CNKSR3: variants seen among roughly 807,000 people sequenced by gnomAD.
CNKSR3 encodes connector enhancer of kinase suppressor of ras 3.
CNKSR3 carries 36 observed loss-of-function variants against 67.7 expected under a neutral mutation model. The observed-to-expected ratio is 0.53, with a 90% CI of 0.41 to 0.70. CNKSR3 has a LOEUF of 0.70. Among genes scored for constraint, CNKSR3 ranks in the 30% least tolerant of loss-of-function variants. The pLI, the probability that CNKSR3 is intolerant of heterozygous loss-of-function variation, is 0.00. For missense variants in CNKSR3, 630 were observed against 695.2 expected, an observed-to-expected ratio of 0.91 and a Z score of 1.05; for synonymous variants, 281 against 271.4, an observed-to-expected ratio of 1.04 and a Z score of -0.35.
intron 1 of CNKSR3, among the ~76,000 whole-genome samples, chr6:154,497,799 G>T (rs751415340): frequency 1.5e-5 from 2 of 129,694 alleles, no homozygotes; most frequent in Non-Finnish European, 3.3e-5. Flanking sequence ...TCTGGATTAA[G>T]AACTGAAGCT....
At chr6:154,420,228 A>G (rs1377950968) in intron 9 of CNKSR3, among the ~76,000 whole-genome samples, 1 of 20,344 alleles carries the variant, frequency 4.9e-5, no homozygotes, top group Non-Finnish European at 1.1e-4. Flanking sequence ...TGGAATCTAA[A>G]AAAAAAAAAA....
At chr6:154,435,327 C>G (rs1043341629) in intron 4 of CNKSR3, among the ~76,000 whole-genome samples, 8 of 152,172 alleles carry the variant, frequency 5.3e-5, no homozygotes, top group Admixed American at 4.6e-4. Flanking sequence ...AGCACTGTCA[C>G]TTCAGGGAGA....
At chr6:154,479,115 C>T (rs568675037) in intron 1 of CNKSR3, among the ~76,000 whole-genome samples, 1 of 152,056 alleles carries the variant, frequency 6.6e-6, no homozygotes, top group Non-Finnish European at 1.5e-5. Flanking sequence ...CTATACCCCC[C>T]CATCCTTAGA....
chr6:154,398,132 G>A lies in CNKSR3; in HGVS notation c.*8222C>T, dbSNP rs758101839. The A allele has an allele frequency of 6.6e-6, 1 of 152,218 alleles. No homozygotes were observed. The highest frequency in any genetic ancestry group is 2.4e-5 in the African/African-American group (1 of 41,444). The allele number at this position is 152,218 out of a possible 1,614,324, so 9.4% of individuals were successfully genotyped here. On this transcript the variant is annotated 3_prime_UTR_variant, in exon 13 of 13. Coordinates refer to ENST00000607772, the MANE Select transcript of CNKSR3 (RefSeq NM_173515.4). ...AAGAGCCAAAGCAGGGAAGGGGCAGGGAAAAAGTGGACACAACCCCACCCC... is the reference window on the plus strand; with the variant it reads ...AAGAGCCAAAGCAGGGAAGGGGCAGAGAAAAAGTGGACACAACCCCACCCC...
chr6:154,487,375 CA>C (rs1786696582), intron 1 of CNKSR3, among the ~76,000 whole-genome samples: 1 of 152,138 alleles, frequency 6.6e-6, no homozygotes, highest in South Asian at 2.1e-4. Flanking sequence ...GCCCTGAAAA[CA>C]AATCCTGAAA....
chr6:154,491,204 A>G lies in CNKSR3; in HGVS notation c.52+18859T>C, dbSNP rs569109957. Among the ~76,000 whole-genome samples the G allele has an allele frequency of 3.9e-5, 6 of 152,178 alleles. No individual in the cohort carries two copies. The East Asian group carries it at 5.8e-4, about 15-fold the overall frequency. ...AAGCCTTCTCTTGTGGCGCCCATTC[A>G]TAACTGCATGAGATACTCCTCCCTC... On this transcript the variant is annotated intron_variant, in intron 1 of 12. Transcript: ENST00000607772.
intron 1 of CNKSR3, among the ~76,000 whole-genome samples, chr6:154,472,940 T>C (rs1786362963): frequency 6.6e-6 from 1 of 152,058 alleles, no homozygotes; most frequent in Admixed American, 6.5e-5. Flanking sequence ...CTAAACTAAG[T>C]GAGGTATCGA....
At chr6:154,445,216 C>T (rs1386388681) in intron 2 of CNKSR3, among the ~76,000 whole-genome samples, 2 of 151,758 alleles carry the variant, frequency 1.3e-5, no homozygotes, top group Non-Finnish European at 2.9e-5. Flanking sequence ...CTCTTCCAAA[C>T]TTTTGAAAAA....
At chr6:154,503,489 G>A (rs554388442) in intron 1 of CNKSR3, among the ~76,000 whole-genome samples, 1 of 152,072 alleles carries the variant, frequency 6.6e-6, no homozygotes, top group African/African-American at 2.4e-5. Flanking sequence ...TTAGCCAGGT[G>A]TAGTGGCATG....
chr6:154,443,902 T>C (rs1785655685), intron 2 of CNKSR3, among the ~76,000 whole-genome samples: 1 of 152,198 alleles, frequency 6.6e-6, no homozygotes, highest in Admixed American at 6.5e-5. Context: ...GCTTCTAACC[T>C]GTGTTCTTTT....
chr6:154,436,937 G>A (rs1160789179), intron 4 of CNKSR3, among the ~76,000 whole-genome samples: 1 of 152,122 alleles, frequency 6.6e-6, no homozygotes, highest in East Asian at 1.9e-4. Flanking sequence ...GAGAAAAGAA[G>A]CAGCAATATG....
intron 3 of CNKSR3, 100 bp downstream of exon 3, chr6:154,441,988 A>T: frequency 8.7e-7 from 1 of 1,153,920 alleles, no homozygotes; most frequent in East Asian, 2.5e-5. Context: ...AATGATATGA[A>T]AAGAACAATG....
intron 1 of CNKSR3, among the ~76,000 whole-genome samples, chr6:154,496,697 T>C (rs1402704931): frequency 6.6e-6 from 1 of 152,176 alleles, no homozygotes; most frequent in East Asian, 1.9e-4. Flanking sequence ...AAATCCACCT[T>C]GTCCCATTTA....
At chr6:154,412,724 T>C (rs1784935178) in intron 10 of CNKSR3, among the ~76,000 whole-genome samples, 1 of 152,166 alleles carries the variant, frequency 6.6e-6, no homozygotes, top group Non-Finnish European at 1.5e-5. Flanking sequence ...AGAAATACAA[T>C]GAAGCAAATA....
rs1784700476 is a variant in CNKSR3 at position 154,400,095 on chromosome 6, C to G, written c.*6259G>C. On this transcript the variant is annotated 3_prime_UTR_variant, in exon 13 of 13. Coordinates refer to ENST00000607772, the MANE Select transcript of CNKSR3 (RefSeq NM_173515.4). ...TTTTAAATACCTTTGAGGTTTATTT[C>G]TTAATTTTTTTCCTCCAACTTCAGT... 6.6e-6 allele frequency: 1 copy of G among 152,080 alleles called. No homozygotes were observed. The highest frequency in any genetic ancestry group is 1.5e-5 in the Non-Finnish European group (1 of 68,008). The allele number at this position is 152,080 out of a possible 1,614,324, so 9.4% of individuals were successfully genotyped here. A position where few individuals can be genotyped will look rare whatever the true frequency, so the allele number is the denominator to read the frequency against.
At chr6:154,471,707 G>A (rs552707093) in intron 1 of CNKSR3, among the ~76,000 whole-genome samples, 2 of 152,258 alleles carry the variant, frequency 1.3e-5, no homozygotes, top group Admixed American at 6.5e-5. Flanking sequence ...CAAACAGACT[G>A]GACAGCAAGG....
rs147628889 is a variant in CNKSR3 at position 154,410,954 on chromosome 6, C to G, written c.1259G>C (p.Arg420Thr). 6.2e-7 allele frequency: 1 copy of G among 1,612,450 alleles called. No individual in the cohort carries two copies. Among genetic ancestry groups the G allele is most frequent in the African/African-American group, 1.3e-5 (1 of 74,866 alleles). ...CTTACCATAAGATGGTGTTTTCTCT[C>G]TCATTTTTGTGGGCAGAATGTTGGT... is the stretch of plus-strand genomic sequence containing the variant. ...VETNILPTKM[R>T]EKTPSYGKPR... is the part of the protein sequence containing the mutation. Residue 420 changes from arginine to threonine, a missense_variant, in exon 11 of 13, where the codon AGA (arginine) becomes ACA (threonine). Transcript: ENST00000607772.
chr6:154,439,686 G>A (rs1453021471), intron 4 of CNKSR3, among the ~76,000 whole-genome samples: 1 of 152,156 alleles, frequency 6.6e-6, no homozygotes, highest in African/African-American at 2.4e-5. Flanking sequence ...GAGGCCAGGA[G>A]TTTGAGACCA....
chr6:154,418,090 T>A (rs1393775255), intron 9 of CNKSR3, among the ~76,000 whole-genome samples: 2 of 152,198 alleles, frequency 1.3e-5, no homozygotes, highest in Non-Finnish European at 2.9e-5. Flanking sequence ...CCCCCGCTGC[T>A]GGGAATGTCA....
Sources: gnomAD v4.1 joint callset for allele counts (sites outside exome capture counted in the v4.1 genomes callset) on GRCh38, gnomAD v4.1.1 for gene constraint, MANE v1.5 for transcripts, NCBI Gene and HGNC (gene_info 2026-07-23, HGNC 2026-07-21) for gene names.